Variants in CPQ observed in about 807,000 individuals in gnomAD.
CPQ encodes carboxypeptidase Q, also known as Ser-Met dipeptidase.
Under a neutral mutation model 45.7 loss-of-function variants are expected in CPQ, and 37 were observed. That is an observed-to-expected ratio of 0.81 (90% CI 0.62 to 1.07). The LOEUF is 1.07. Ranked by LOEUF, CPQ falls within the 50% of genes least tolerant of loss-of-function variation. The pLI, the probability that CPQ is intolerant of heterozygous loss-of-function variation, is 0.00. For missense variants in CPQ, 537 were observed against 572.9 expected (o/e 0.94, Z 0.64); for synonymous variants, 186 against 205.8 (o/e 0.90, Z 0.82).
At position 96,785,003 on chromosome 8, in the gene CPQ, A is replaced by G. The variant is rs61734395; in HGVS notation, c.106A>G (p.Ile36Val). 4.0e-4 allele frequency: 643 copies of G among 1,613,830 alleles called. 5 individuals carry two copies. The African/African-American group carries it at 8.1e-3, about 20-fold the overall frequency. Residue 36 changes from isoleucine to valine, a missense_variant, in exon 2 of 8, where the codon ATA (isoleucine) becomes GTA (valine). Transcript: ENST00000220763. The part of the protein sequence containing the change: ...NGISKRTFEE[I>V]KEEIASCGDV... ...CATCTCTAAGAGGACTTTTGAAGAA[A>G]TAAAAGAAGAAATAGCCAGCTGTGG...
intron 5 of CPQ, among the ~76,000 whole-genome samples, chr8:97,010,612 T>C (rs1238359969): frequency 6.6e-6 from 1 of 152,142 alleles, no homozygotes; most frequent in Non-Finnish European, 1.5e-5. Flanking sequence ...AAACACAGCA[T>C]CAGTGGAACT....
At chr8:97,052,902 A>C (rs1370677871) in intron 6 of CPQ, among the ~76,000 whole-genome samples, 1 of 152,200 alleles carries the variant, frequency 6.6e-6, no homozygotes, top group Non-Finnish European at 1.5e-5. Context: ...TTTGTATATT[A>C]TTAAGTGCTT....
chr8:97,109,575 C>T (rs978057792), intron 7 of CPQ, among the ~76,000 whole-genome samples: 7 of 152,094 alleles, frequency 4.6e-5, no homozygotes, highest in African/African-American at 7.2e-5. Context: ...GCTCTGTGAA[C>T]GATCTCCTCT....
At chr8:96,743,115 A>G (rs1306733985) in intron 1 of CPQ, among the ~76,000 whole-genome samples, 4 of 152,160 alleles carry the variant, frequency 2.6e-5, no homozygotes, top group African/African-American at 7.2e-5. Flanking sequence ...AGGCACACCA[A>G]TCAGACGTAG....
rs964980392 is a variant in CPQ, at chr8:97,078,948, C to G, written c.1255+12738C>G. On this transcript the variant is annotated intron_variant, in intron 7 of 7. Transcript: ENST00000220763. ...GAGTAGCTAGGACTACAGGCTGGCG[C>G]CATTGTGCCCAGCTAATTTTTTTAA... Among the ~76,000 whole-genome samples, 3 of 152,028 alleles carry G rather than the reference C, an allele frequency of 2.0e-5. No individual in the cohort carries two copies. In the East Asian group the frequency reaches 5.8e-4, roughly 29 times the overall value.
intron 3 of CPQ, among the ~76,000 whole-genome samples, chr8:96,864,006 T>C (rs191740362): frequency 6.6e-6 from 1 of 152,220 alleles, no homozygotes; most frequent in Admixed American, 6.5e-5. Context: ...TTTGTGATTA[T>C]AGGCTACATA....
At chr8:96,781,561 A>G (rs1810685269) in intron 1 of CPQ, among the ~76,000 whole-genome samples, 1 of 152,208 alleles carries the variant, frequency 6.6e-6, no homozygotes. Flanking sequence ...TTAAATTTCA[A>G]CATGAATTTG....
At chr8:96,788,999 G>C (rs1192959797) in intron 2 of CPQ, among the ~76,000 whole-genome samples, 1 of 151,960 alleles carries the variant, frequency 6.6e-6, no homozygotes, top group African/African-American at 2.4e-5. Context: ...AATAATTTCT[G>C]TGTCTTTATT....
At chr8:97,083,242 T>C (rs575739673) in intron 7 of CPQ, among the ~76,000 whole-genome samples, 3 of 152,200 alleles carry the variant, frequency 2.0e-5, no homozygotes, top group Non-Finnish European at 4.4e-5. Context: ...TGAATAATTT[T>C]ATATTTAAAG....
intron 7 of CPQ, among the ~76,000 whole-genome samples, chr8:97,122,189 C>A (rs1044327573): frequency 8.5e-5 from 13 of 152,056 alleles, no homozygotes; most frequent in Middle Eastern, 6.8e-3. Flanking sequence ...ATCCAAGAAA[C>A]TCAATAAAAC....
intron 4 of CPQ, among the ~76,000 whole-genome samples, chr8:96,924,228 C>T (rs181610448): frequency 8.5e-5 from 13 of 152,278 alleles, no homozygotes; most frequent in Non-Finnish European, 1.6e-4. Context: ...GTTACCACCC[C>T]CAACTGCCTT....
chr8:96,899,364 A>G (rs1308899669), intron 4 of CPQ, among the ~76,000 whole-genome samples: 1 of 152,206 alleles, frequency 6.6e-6, no homozygotes, highest in Non-Finnish European at 1.5e-5. Flanking sequence ...GCCATTGTGA[A>G]TTTGGGATGC....
At chr8:96,771,090 A>G (rs1461677189) in intron 1 of CPQ, among the ~76,000 whole-genome samples, 4 of 146,128 alleles carry the variant, frequency 2.7e-5, no homozygotes, top group African/African-American at 9.9e-5. Flanking sequence ...ATATATATAT[A>G]TTATATATAT....
At chr8:96,809,279 T>A (rs1193209978) in intron 2 of CPQ, among the ~76,000 whole-genome samples, 1 of 152,174 alleles carries the variant, frequency 6.6e-6, no homozygotes, top group African/African-American at 2.4e-5. Flanking sequence ...ACTCAAAGGC[T>A]TATAGGTGAA....
chr8:96,977,586 C>CA (rs1813811040), intron 5 of CPQ, among the ~76,000 whole-genome samples: 1 of 152,064 alleles, frequency 6.6e-6, no homozygotes, highest in Admixed American at 6.6e-5. Context: ...ATGGAAGCAG[C>CA]CCAAATGACC....
At chr8:96,980,971 A>T (rs1163486947) in intron 5 of CPQ, among the ~76,000 whole-genome samples, 1 of 152,222 alleles carries the variant, frequency 6.6e-6, no homozygotes, top group Non-Finnish European at 1.5e-5. Context: ...CCTAAATAAC[A>T]GTGTGTAGAG....
chr8:96,834,940 T>C (rs1429828984), intron 2 of CPQ, 33 bp from the exon 3 acceptor site: 2 of 1,593,780 alleles, frequency 1.3e-6, no homozygotes, highest in South Asian at 2.3e-5. Flanking sequence ...GATGGGAAAC[T>C]GTAAGTTAAT....
intron 7 of CPQ, among the ~76,000 whole-genome samples, chr8:97,142,459 G>A (rs1812183626): frequency 6.6e-6 from 1 of 152,190 alleles, no homozygotes; most frequent in African/African-American, 2.4e-5. Flanking sequence ...GATGATTTGA[G>A]AAGGAAAACT....
chr8:96,979,650 G>A (rs566647924), intron 5 of CPQ, among the ~76,000 whole-genome samples: 122 of 152,244 alleles, frequency 8.0e-4, no homozygotes, highest in Middle Eastern at 3.4e-3. Context: ...ACATCTGATC[G>A]GACCTTTATG....
Sources: allele counts gnomAD v4.1 joint callset (sites outside exome capture counted in the v4.1 genomes callset), GRCh38; gene constraint gnomAD v4.1.1; transcripts MANE v1.5; gene names NCBI Gene and HGNC (gene_info 2026-07-23, HGNC 2026-07-21).